The following VPS13A variants were observed in gnomAD, a reference collection of about 807,000 sequenced individuals.
VPS13A encodes the protein vacuolar protein sorting 13 homolog A.
Under a neutral mutation model 390.9 loss-of-function variants are expected in VPS13A, and 264 were observed. The observed-to-expected ratio is 0.68, with a 90% CI of 0.61 to 0.75. The LOEUF is 0.75. Ranked by LOEUF, VPS13A falls within the 30% of genes least tolerant of loss-of-function variation. VPS13A has a pLI of 0.00. For synonymous variants in VPS13A, 1,231 were observed against 1,227.1 expected (o/e 1.00, Z -0.07); for missense variants, 3,409 against 3,733.9 (o/e 0.91, Z 2.27).
intron 47 of VPS13A, chr9:77,338,666 AT>A (rs1830658229): frequency 6.6e-6 from 1 of 152,236 alleles, no homozygotes; most frequent in Non-Finnish European, 1.5e-5. Flanking sequence ...CTTGTAAAGA[AT>A]CAAGAACTCC....
chr9:77,217,113 G>A (rs923283464), intron 10 of VPS13A, among the ~76,000 whole-genome samples: 1 of 152,240 alleles, frequency 6.6e-6, no homozygotes, highest in East Asian at 1.9e-4. Flanking sequence ...ACCATTACAT[G>A]AGATGTTGGA....
intron 69 of VPS13A, among the ~76,000 whole-genome samples, chr9:77,403,910 C>T (rs768777645): frequency 6.6e-6 from 1 of 152,052 alleles, no homozygotes; most frequent in South Asian, 2.1e-4. Flanking sequence ...GAAAATACGG[C>T]TAGCAGGGAG....
intron 59 of VPS13A, among the ~76,000 whole-genome samples, chr9:77,363,991 G>A (rs949965634): frequency 1.3e-5 from 2 of 152,040 alleles, no homozygotes; most frequent in African/African-American, 4.8e-5. Flanking sequence ...AGGGGCAGTG[G>A]CCTGAGATGA....
At chr9:77,281,545 T>C (rs930764709) in intron 27 of VPS13A, among the ~76,000 whole-genome samples, 1 of 152,066 alleles carries the variant, frequency 6.6e-6, no homozygotes, top group Non-Finnish European at 1.5e-5. Context: ...GGAAGAACCG[T>C]ACAGAGTTGT....
chr9:77,261,072 T>C (rs1016922122), intron 23 of VPS13A, among the ~76,000 whole-genome samples: 1 of 152,048 alleles, frequency 6.6e-6, no homozygotes, highest in African/African-American at 2.4e-5. Flanking sequence ...AATTTTTTTT[T>C]GCATTTTTAG....
intron 37 of VPS13A, 51 bp from the exon 38 acceptor site, chr9:77,315,202 A>G (rs1829317633): frequency 6.6e-7 from 1 of 1,511,232 alleles, no homozygotes; most frequent in South Asian, 1.1e-5. Flanking sequence ...CATATGTTTG[A>G]TTACTTCTAA....
rs1833533933 is a variant in VPS13A, at chr9:77,383,239, TA to T, written c.9189+1154del. 3.3e-5 allele frequency among the ~76,000 whole-genome samples: 5 copies of T among 152,164 alleles called. No homozygotes were observed. In the South Asian group the frequency reaches 8.3e-4, roughly 25 times the overall value. On this transcript the variant is annotated intron_variant, in intron 68 of 71. Transcript: ENST00000360280. ...ATATACAAAAATGTAACCATAGAGTTAATATGCAATATTTAGTTAAGTGATT... is the reference window on the plus strand; with the variant it reads ...ATATACAAAAATGTAACCATAGAGTTATATGCAATATTTAGTTAAGTGATT...
chr9:77,377,504 G>T (rs1833171496), intron 67 of VPS13A, among the ~76,000 whole-genome samples: 1 of 152,116 alleles, frequency 6.6e-6, no homozygotes, highest in Non-Finnish European at 1.5e-5. Context: ...TGTTTTAAAT[G>T]GAATTGTTTT....
intron 31 of VPS13A, among the ~76,000 whole-genome samples, chr9:77,291,699 G>A (rs1464095129): frequency 6.6e-6 from 1 of 152,132 alleles, no homozygotes; most frequent in Non-Finnish European, 1.5e-5. Context: ...GGCTCCTGCT[G>A]CTTGTTTCTT....
At chr9:77,311,204 G>T (rs1268711679) in intron 35 of VPS13A, among the ~76,000 whole-genome samples, 1 of 152,034 alleles carries the variant, frequency 6.6e-6, no homozygotes, top group Non-Finnish European at 1.5e-5. Context: ...GATTACAGGC[G>T]TGAGCCACCA....
intron 1 of VPS13A, among the ~76,000 whole-genome samples, chr9:77,194,424 G>A (rs1267638033): frequency 6.6e-6 from 1 of 152,076 alleles, no homozygotes; most frequent in Non-Finnish European, 1.5e-5. Context: ...TTCTGTCTAG[G>A]TCCAATAGTC....
At chr9:77,334,979 G>T (rs1238607176) in intron 46 of VPS13A, among the ~76,000 whole-genome samples, 1 of 152,140 alleles carries the variant, frequency 6.6e-6, no homozygotes, top group African/African-American at 2.4e-5. Flanking sequence ...AAAGTGGGTA[G>T]AGTGGGTTCA....
Position 77,403,271 on chromosome 9 carries a change from T to C in VPS13A, c.9225T>C (p.Tyr3075=). 1 of 1,612,462 alleles carries C rather than the reference T, an allele frequency of 6.2e-7. No individual in the cohort carries two copies. Among genetic ancestry groups the C allele is most frequent in the South Asian group, 1.1e-5 (1 of 91,070 alleles). The change falls in exon 69 of 72, where the codon TAT becomes TAC. Residue 3075 remains tyrosine (Y), a synonymous_variant. Transcript: ENST00000360280. ...ATGGAAGATTTGCAAAATACAAATA[T>C]TTTACCCATGTCATGATCAATAAGA... ...MENGRFAKYK[Y]FTHVMINKTD...
rs180751872 is a variant in VPS13A at position 77,421,288 on chromosome 9, C to T, written c.*5282C>T. The T allele has an allele frequency of 6.6e-6, 1 of 152,356 alleles. No homozygotes were observed. The highest frequency in any genetic ancestry group is 6.5e-5 in the Admixed American group (1 of 15,300). The allele number at this position is 152,356 out of a possible 1,614,324, so 9.4% of individuals were successfully genotyped here. On this transcript the variant is annotated 3_prime_UTR_variant, in exon 72 of 72. Transcript: ENST00000360280. ...GTGTGCTTGGCTCAGTTGCCTGTTA[C>T]ACAGCCTCTGCCTTGGTTTTGTGTA...
Position 77,238,011 on chromosome 9 carries a change from T to A in VPS13A, c.1605T>A (p.Thr535=), listed in dbSNP as rs1824255116. The A allele has an allele frequency of 6.2e-7, 1 of 1,607,048 alleles. No homozygotes were observed. The highest frequency in any genetic ancestry group is 1.1e-5 in the South Asian group (1 of 90,066). Residue 535 remains threonine (T), a synonymous_variant, in exon 18 of 72, where the codon ACT becomes ACA. Coordinates refer to ENST00000360280, the MANE Select transcript of VPS13A (RefSeq NM_033305.3). The part of the protein sequence containing the change: ...RPGAQAIKFE[T]KIDSFHITGL... ...TTTTTTTTTAATGCAGATTTGAAAC[T>A]AAAATAGATTCATTTCATATTACTG...
At chr9:77,257,143 A>G (rs1428189059) in intron 22 of VPS13A, among the ~76,000 whole-genome samples, 3 of 151,312 alleles carry the variant, frequency 2.0e-5, no homozygotes, top group Non-Finnish European at 4.4e-5. Context: ...TTCCTCTCTC[A>G]TTTCCAGTTT....
chr9:77,277,140 G>T (rs879548114), intron 26 of VPS13A, among the ~76,000 whole-genome samples: 1 of 151,874 alleles, frequency 6.6e-6, no homozygotes, highest in African/African-American at 2.4e-5. Flanking sequence ...TACATTTTTT[G>T]GATTTTTCCT....
chr9:77,399,204 A>C (rs1834268196), intron 68 of VPS13A, among the ~76,000 whole-genome samples: 3 of 93,902 alleles, frequency 3.2e-5, no homozygotes, highest in African/African-American at 1.2e-4. Context: ...AAAAAAAAAA[A>C]ACAAAGGATA....
At chr9:77,352,171 ATCC>A (rs1831510169) in intron 53 of VPS13A, among the ~76,000 whole-genome samples, 1 of 152,244 alleles carries the variant, frequency 6.6e-6, no homozygotes, top group Non-Finnish European at 1.5e-5. Context: ...ACATTTAAGG[ATCC>A]ACTGAGTGAA....
Sources: gnomAD v4.1 joint callset for allele counts (sites outside exome capture counted in the v4.1 genomes callset) on GRCh38, gnomAD v4.1.1 for gene constraint, MANE v1.5 for transcripts, NCBI Gene and HGNC (gene_info 2026-07-23, HGNC 2026-07-21) for gene names.